Variants in DOCK7 observed in about 807,000 individuals in gnomAD.
DOCK7 encodes dedicator of cytokinesis 7.
DOCK7 carries 138 observed loss-of-function variants against 271.0 expected under a neutral mutation model. The ratio of observed to expected loss-of-function variants is 0.51; its 90% CI spans 0.44 to 0.59. The LOEUF (loss-of-function observed/expected upper bound fraction) is 0.59. Ranked by LOEUF, DOCK7 falls within the 20% of genes least tolerant of loss-of-function variation. DOCK7 has a pLI of 0.00. For missense variants in DOCK7, 2,066 were observed against 2,592.4 expected, an observed-to-expected ratio of 0.80 and a Z score of 4.41; for synonymous variants, 823 against 876.1, an observed-to-expected ratio of 0.94 and a Z score of 1.07.
chr1:62,629,744 G>A (rs1654392749), intron 11 of DOCK7: 1 of 152,176 alleles, frequency 6.6e-6, no homozygotes, highest in African/African-American at 2.4e-5. Flanking sequence ...CTTCAAAACT[G>A]TGACTTTAAG....
At chr1:62,498,800 T>C (rs950972300) in intron 37 of DOCK7, among the ~76,000 whole-genome samples, 15 of 151,924 alleles carry the variant, frequency 9.9e-5, no homozygotes, top group African/African-American at 3.4e-4. Flanking sequence ...AAATTACCCA[T>C]TTCTTTCTTT....
chr1:62,558,872 C>T (rs937539472), intron 20 of DOCK7, 117 bp downstream of exon 20: 4 of 787,022 alleles, frequency 5.1e-6, no homozygotes, highest in East Asian at 2.7e-5. Flanking sequence ...TCTTCCACCC[C>T]AAATCAAATA....
At chr1:62,504,500 T>A in intron 37 of DOCK7, 130 bp downstream of exon 37, 1 of 987,872 alleles carries the variant, frequency 1.0e-6, no homozygotes, top group South Asian at 1.8e-5. Context: ...ATGAGAAATA[T>A]CAAGATAGCC....
intron 18 of DOCK7, among the ~76,000 whole-genome samples, chr1:62,573,952 T>C (rs1418952332): frequency 6.6e-6 from 1 of 152,058 alleles, no homozygotes; most frequent in Non-Finnish European, 1.5e-5. Flanking sequence ...TTTTTAAAAA[T>C]CCTAATTTTA....
At chr1:62,536,527 T>C (rs967863687) in intron 28 of DOCK7, among the ~76,000 whole-genome samples, 1 of 152,192 alleles carries the variant, frequency 6.6e-6, no homozygotes, top group Non-Finnish European at 1.5e-5. Context: ...GCCTCATCCA[T>C]TAGATTAAGG....
chr1:62,498,081 T>A (rs568053413), intron 37 of DOCK7, among the ~76,000 whole-genome samples: 421 of 34,516 alleles, frequency 0.012, 2 homozygotes, highest in African/African-American at 0.023. Context: ...GTCTACGAAA[T>A]TTTTTTTTTT....
At chr1:62,564,764 G>A (rs1646453522) in intron 18 of DOCK7, among the ~76,000 whole-genome samples, 2 of 152,096 alleles carry the variant, frequency 1.3e-5, no homozygotes, top group Admixed American at 1.3e-4. Flanking sequence ...GAATCCAGGA[G>A]CTGGTTTTTG....
intron 1 of DOCK7, among the ~76,000 whole-genome samples, chr1:62,678,759 A>T (rs1660799735): frequency 6.6e-6 from 1 of 152,132 alleles, no homozygotes; most frequent in Admixed American, 6.5e-5. Flanking sequence ...TATACCTAAG[A>T]TTATTTATAA....
intron 1 of DOCK7, among the ~76,000 whole-genome samples, chr1:62,685,348 A>G (rs1255376420): frequency 6.6e-6 from 1 of 152,214 alleles, no homozygotes; most frequent in Admixed American, 6.5e-5. Context: ...CCTCTAATAG[A>G]AAAGTTAAAA....
At chr1:62,523,406 T>TA (rs1392395418) in intron 31 of DOCK7, among the ~76,000 whole-genome samples, 2 of 152,078 alleles carry the variant, frequency 1.3e-5, no homozygotes, top group South Asian at 2.1e-4. Flanking sequence ...ACACTGTATA[T>TA]AAAAAAATCT....
Position 62,625,280 on chromosome 1 carries a change from T to TG in DOCK7, c.1403dup (p.Val469SerfsTer6). The stretch of plus-strand genomic sequence containing the variant: ...ATACCTGCTTAAAAAAATTTGTCAC[T>TG]GTGAGAGTAGCTGGTCGAAAGCTCG... On this transcript the variant is annotated frameshift_variant, in exon 12 of 50. Transcript: ENST00000635253. LOFTEE classifies it high-confidence loss of function. 1 of 1,614,000 alleles carries TG rather than the reference T, an allele frequency of 6.2e-7. No homozygotes were observed. The highest frequency in any genetic ancestry group is 8.5e-7 in the Non-Finnish European group (1 of 1,179,960).
intron 31 of DOCK7, among the ~76,000 whole-genome samples, chr1:62,514,172 A>C: frequency 6.6e-6 from 1 of 152,168 alleles, no homozygotes; most frequent in South Asian, 2.1e-4. Context: ...TTAATAAAAA[A>C]CATAAAGATA....
At chr1:62,609,966 T>C (rs1435509645) in intron 14 of DOCK7, among the ~76,000 whole-genome samples, 1 of 152,138 alleles carries the variant, frequency 6.6e-6, no homozygotes, top group Non-Finnish European at 1.5e-5. Flanking sequence ...TTCTCCTGCC[T>C]CAGACTCCTG....
In DOCK7 at chr1:62,553,385, T is replaced by TAA. The variant is rs200754233; in HGVS notation, c.2597-486_2597-485dup. On this transcript the variant is annotated intron_variant, in intron 21 of 49. Coordinates refer to ENST00000635253, the MANE Select transcript of DOCK7 (RefSeq NM_001367561.1). The stretch of plus-strand genomic sequence containing the variant: ...TTTTTTTTTTTTTTTTTTTTTTTTT[T>TAA]AATAGGCAGGTGCCATTTTTTTTTT... Among the ~76,000 whole-genome samples the TAA allele has an allele frequency of 4.2e-4, 43 of 102,584 alleles. 2 individuals are homozygous for TAA. The highest frequency in any genetic ancestry group is 1.2e-3 in the African/African-American group (31 of 25,084). The allele number at this position is 102,584 out of a possible 152,430, so 67.3% of individuals were successfully genotyped here.
intron 34 of DOCK7, 77 bp downstream of exon 34, chr1:62,510,500 G>A (rs1301477722): frequency 9.4e-7 from 1 of 1,066,464 alleles, no homozygotes; most frequent in Non-Finnish European, 1.4e-6. Context: ...TAAATATAAA[G>A]TAAAAGTTAT....
intron 31 of DOCK7, among the ~76,000 whole-genome samples, chr1:62,518,815 A>G (rs1400553657): frequency 6.6e-6 from 1 of 152,160 alleles, no homozygotes; most frequent in Non-Finnish European, 1.5e-5. Context: ...AATATAAAGT[A>G]AAACATAAAA....
chr1:62,534,623 A>G (rs1244602296), intron 29 of DOCK7, among the ~76,000 whole-genome samples: 3 of 152,148 alleles, frequency 2.0e-5, no homozygotes, highest in Non-Finnish European at 4.4e-5. Flanking sequence ...CTATTCTCAA[A>G]AAAACAAAAC....
intron 14 of DOCK7, among the ~76,000 whole-genome samples, chr1:62,612,405 A>G (rs548565218): frequency 5.1e-4 from 78 of 152,300 alleles, no homozygotes; most frequent in Middle Eastern, 3.4e-3. Flanking sequence ...GAGGGAGAGC[A>G]TTAGGACAAA....
intron 16 of DOCK7, among the ~76,000 whole-genome samples, chr1:62,581,340 A>T (rs1304358187): frequency 6.6e-6 from 1 of 152,196 alleles, no homozygotes; most frequent in Non-Finnish European, 1.5e-5. Flanking sequence ...GACTTAACAG[A>T]TGATTGAATA....
Sources: gnomAD v4.1 joint callset for allele counts (sites outside exome capture counted in the v4.1 genomes callset) on GRCh38, gnomAD v4.1.1 for gene constraint, MANE v1.5 for transcripts, NCBI Gene and HGNC (gene_info 2026-07-23, HGNC 2026-07-21) for gene names.